The following MACC1 variants were observed in gnomAD, a reference collection of about 807,000 sequenced individuals.
The protein encoded by MACC1 is MET transcriptional regulator MACC1.
MACC1 carries 79 observed loss-of-function variants against 70.7 expected under a neutral mutation model. That is an observed-to-expected ratio of 1.12 (90% CI 0.93 to 1.35). The LOEUF (loss-of-function observed/expected upper bound fraction) is 1.35. Among genes scored for constraint, MACC1 ranks in the 40% most tolerant of loss-of-function variants. The probability of loss-of-function intolerance (pLI) is 0.00; values close to 1 mark genes in which losing one functional copy is unlikely to be tolerated. For synonymous variants in MACC1, 361 were observed against 347.2 expected, an observed-to-expected ratio of 1.04 and a Z score of -0.44; for missense variants, 1,106 against 978.1, an observed-to-expected ratio of 1.13 and a Z score of -1.74.
In MACC1 at chr7:20,189,696, G is replaced by GA. The variant is rs1306332024; in HGVS notation, c.-217-18919dup. On this transcript the variant is annotated intron_variant, in intron 1 of 6. Coordinates refer to ENST00000400331, the MANE Select transcript of MACC1 (RefSeq NM_182762.4). ...GTTCTAGGCCAGCGTAGGAGCAGGAGAAAAAATGGGGAAAAGAGACAGAGA... is the reference window on the plus strand; with the variant it reads ...GTTCTAGGCCAGCGTAGGAGCAGGAGAAAAAAATGGGGAAAAGAGACAGAGA... 5.3e-5 allele frequency among the ~76,000 whole-genome samples: 8 copies of GA among 151,410 alleles called. No individual in the cohort carries two copies. The East Asian group carries it at 1.2e-3, about 22-fold the overall frequency.
chr7:20,140,822 CA>C lies in MACC1; in HGVS notation c.*123del. The C allele has an allele frequency of 8.6e-6, 5 of 581,532 alleles. No homozygotes were observed. The highest frequency in any genetic ancestry group is 1.4e-5 in the Non-Finnish European group (5 of 357,448). 36.0% of individuals were successfully genotyped at this position (581,532 alleles called of 1,614,324 possible). Reference sequence around the variant, plus strand: ...TTTCCTACACACACACACACACACACACAGACACACACACACAGACACACAC... The same window carrying C: ...TTTCCTACACACACACACACACACACCAGACACACACACACAGACACACAC... On this transcript the variant is annotated 3_prime_UTR_variant, in exon 7 of 7. Coordinates refer to ENST00000400331, the MANE Select transcript of MACC1 (RefSeq NM_182762.4).
intron 1 of MACC1, among the ~76,000 whole-genome samples, chr7:20,184,742 A>T (rs1272934832): frequency 1.3e-5 from 2 of 152,206 alleles, no homozygotes; most frequent in Admixed American, 6.5e-5. Flanking sequence ...CTTAACTACA[A>T]AAATTTTTCT....
chr7:20,204,330 AT>A (rs1782878752), intron 1 of MACC1, among the ~76,000 whole-genome samples: 1 of 151,934 alleles, frequency 6.6e-6, no homozygotes, highest in Admixed American at 6.6e-5. Flanking sequence ...AATTTTTTGT[AT>A]TTTTAGTAGA....
chr7:20,158,062 T>C, intron 5 of MACC1, 142 bp downstream of exon 5: 1 of 975,310 alleles, frequency 1.0e-6, no homozygotes, highest in Non-Finnish European at 1.4e-6. Flanking sequence ...TAGGAAAAAC[T>C]ATATTTGCTA....
intron 1 of MACC1, among the ~76,000 whole-genome samples, chr7:20,211,840 G>GTACTATAT (rs749258264): frequency 4.6e-4 from 70 of 152,202 alleles, no homozygotes; most frequent in Non-Finnish European, 8.8e-4. Context: ...ACTTATGATA[G>GTACTATAT]CAAAATGCCA....
At chr7:20,177,877 TAAACAATTCA>T (rs1782421150) in intron 1 of MACC1, among the ~76,000 whole-genome samples, 2 of 152,158 alleles carry the variant, frequency 1.3e-5, no homozygotes, top group Non-Finnish European at 1.5e-5. Flanking sequence ...TGGACTTTTT[TAAACAATTCA>T]CACTGACTGG....
chr7:20,174,144 T>C (rs1782357185), intron 1 of MACC1, among the ~76,000 whole-genome samples: 3 of 152,278 alleles, frequency 2.0e-5, no homozygotes, highest in Middle Eastern at 6.8e-3. Context: ...AATTCTAGAA[T>C]AAGTTATGAA....
intron 1 of MACC1, among the ~76,000 whole-genome samples, chr7:20,179,211 T>C (rs1275506516): frequency 1.3e-5 from 2 of 150,666 alleles, no homozygotes; most frequent in African/African-American, 4.9e-5. Flanking sequence ...CTTTTCCATT[T>C]GTCCTTTGAA....
chr7:20,214,673 T>C lies in MACC1; in HGVS notation c.-218+2626A>G, dbSNP rs926098066. Among the ~76,000 whole-genome samples the C allele has an allele frequency of 5.9e-5, 9 of 152,172 alleles. 1 individual carries two copies. Among genetic ancestry groups the C allele is most frequent in the African/African-American group, 2.2e-4 (9 of 41,436 alleles). On this transcript the variant is annotated intron_variant, in intron 1 of 6. Coordinates refer to ENST00000400331, the MANE Select transcript of MACC1 (RefSeq NM_182762.4). Reference sequence around the variant, plus strand: ...ACATTTATTGCTTATTCTGTGAGTGTTATAAAGGAAGCTTAAACAAGTGTT... The same window carrying C: ...ACATTTATTGCTTATTCTGTGAGTGCTATAAAGGAAGCTTAAACAAGTGTT...
rs1782088881 is a variant in MACC1 at position 20,158,551 on chromosome 7, C to T, written c.1810G>A (p.Gly604Ser). 6.2e-7 allele frequency: 1 copy of T among 1,614,028 alleles called. No homozygotes were observed. Among genetic ancestry groups the T allele is most frequent in the Non-Finnish European group, 8.5e-7 (1 of 1,179,964 alleles). The change falls in exon 5 of 7, where the codon GGT (glycine) becomes AGT (serine). Residue 604 changes from glycine to serine, a missense_variant. Physicochemically the swap from Gly to Ser is moderately conservative, Grantham distance 56. Transcript: ENST00000400331. ...TTGCAGTGTACAAGTCCAATCTTAC[C>T]TCTGAGGACTCCTACATACCATTCT... Reference protein sequence around the residue: ...VKEWYVGVLRGKIGLVHCKNV... With the variant: ...VKEWYVGVLRSKIGLVHCKNV...
chr7:20,181,363 C>T (rs568881285), intron 1 of MACC1, among the ~76,000 whole-genome samples: 1 of 151,770 alleles, frequency 6.6e-6, no homozygotes, highest in East Asian at 1.9e-4. Context: ...AGTGAAATTC[C>T]ACTGAATATT....
chr7:20,159,729 T>C lies in MACC1; in HGVS notation c.632A>G (p.Glu211Gly), dbSNP rs1562586211. 12 of 1,614,148 alleles carry C rather than the reference T, an allele frequency of 7.4e-6. No homozygotes were observed. The highest frequency in any genetic ancestry group is 1.0e-5 in the Non-Finnish European group (12 of 1,180,022). ...GTTTACTTTGCAAGCTATGGTGACC[T>C]CCGCAAGTTGTGTCTGGGCCCATCC... The part of the protein sequence containing the change: ...SPGWAQTQLA[E>G]VTIACKVNHQ... The change falls in exon 5 of 7, where the codon GAG becomes GGG. Residue 211 changes from glutamate (E) to glycine (G), a missense_variant. Transcript: ENST00000400331.
At chr7:20,198,739 A>T (rs942830144) in intron 1 of MACC1, 3 of 152,254 alleles carry the variant, frequency 2.0e-5, no homozygotes, top group African/African-American at 7.2e-5. Context: ...TTTCTAATTA[A>T]TTCAATCTAA....
At chr7:20,202,468 A>G (rs1423723549) in intron 1 of MACC1, among the ~76,000 whole-genome samples, 1 of 152,188 alleles carries the variant, frequency 6.6e-6, no homozygotes, top group African/African-American at 2.4e-5. Flanking sequence ...AATGTGTTTT[A>G]GAGGAAAGAA....
intron 5 of MACC1, among the ~76,000 whole-genome samples, chr7:20,155,751 A>T (rs1782046072): frequency 6.6e-6 from 1 of 152,220 alleles, no homozygotes; most frequent in Admixed American, 6.5e-5. Context: ...ACATAAATGG[A>T]TCCATACATT....
At chr7:20,152,109 T>C (rs1781987892) in intron 6 of MACC1, among the ~76,000 whole-genome samples, 1 of 152,080 alleles carries the variant, frequency 6.6e-6, no homozygotes, top group Admixed American at 6.5e-5. Flanking sequence ...TAACTCTCCC[T>C]AAGATACAAT....
chr7:20,212,400 C>G (rs1399839042), intron 1 of MACC1, among the ~76,000 whole-genome samples: 1 of 152,136 alleles, frequency 6.6e-6, no homozygotes, highest in Non-Finnish European at 1.5e-5. Flanking sequence ...AAAGAAGCCT[C>G]TTATCTCTGG....
chr7:20,148,427 C>T (rs1332385002), intron 6 of MACC1, among the ~76,000 whole-genome samples: 3 of 152,144 alleles, frequency 2.0e-5, no homozygotes, highest in Admixed American at 1.3e-4. Context: ...TTTGGTCTTA[C>T]ACATAGCTGG....
intron 5 of MACC1, among the ~76,000 whole-genome samples, chr7:20,157,517 C>T (rs1352134892): frequency 6.6e-6 from 1 of 151,344 alleles, no homozygotes; most frequent in African/African-American, 2.4e-5. Flanking sequence ...GGTGTGGTGG[C>T]TCATGGCTGT....
Sources: allele counts gnomAD v4.1 joint callset (sites outside exome capture counted in the v4.1 genomes callset), GRCh38; gene constraint gnomAD v4.1.1; transcripts MANE v1.5; gene names NCBI Gene and HGNC (gene_info 2026-07-23, HGNC 2026-07-21).